TMEM131: variants seen among roughly 807,000 people sequenced by gnomAD.
The protein encoded by TMEM131 is 2610524E03Rik.
In TMEM131, 66 loss-of-function variants were observed where a neutral mutation model predicts 211.6. That is an observed-to-expected ratio of 0.31 (90% CI 0.26 to 0.38). The LOEUF (loss-of-function observed/expected upper bound fraction) is 0.38. TMEM131 is among the 10% of genes least tolerant of loss of function. TMEM131 has a pLI of 1.00. For synonymous variants in TMEM131, 844 were observed against 841.3 expected (o/e 1.00, Z -0.06); for missense variants, 2,036 against 2,299.3 (o/e 0.89, Z 2.34).
rs561084879 is a variant in TMEM131 at position 97,911,050 on chromosome 2, G to A, written c.250-2352C>T. ...AATTTCCACCAGCCCAAACTTCCAC[G>A]TATCCAGGTGAACAGACACATGAGT... On this transcript the variant is annotated intron_variant, in intron 2 of 40. Transcript: ENST00000186436. Among the ~76,000 whole-genome samples, 11 of 152,212 alleles carry A rather than the reference G, an allele frequency of 7.2e-5. No homozygotes were observed. The South Asian group carries it at 1.7e-3, about 23-fold the overall frequency.
chr2:97,770,653 T>A (rs1679424980), intron 33 of TMEM131, among the ~76,000 whole-genome samples: 1 of 152,208 alleles, frequency 6.6e-6, no homozygotes, highest in Non-Finnish European at 1.5e-5. Flanking sequence ...GAATACAATG[T>A]AAGTCAGTGG....
rs1477542603 is a variant in TMEM131, at chr2:97,811,201, A to G, written c.1895T>C (p.Phe632Ser). The change falls in exon 18 of 41, where the codon TTC becomes TCC. Residue 632 changes from phenylalanine (F) to serine (S), a missense_variant. Transcript: ENST00000186436. ...TTTTTTTGCAGTAAGTTTGACTCTG[A>G]AGACTGCAAAATAGCCTGAAGCTAA... is the stretch of plus-strand genomic sequence containing the variant. Reference protein sequence around the residue: ...VTLASGYFAVFRVKLTAKKLE... With the variant: ...VTLASGYFAVSRVKLTAKKLE... 6.2e-7 allele frequency: 1 copy of G among 1,613,682 alleles called. No individual in the cohort carries two copies. Among genetic ancestry groups the G allele is most frequent in the Admixed American group, 1.7e-5 (1 of 60,022 alleles).
intron 4 of TMEM131, among the ~76,000 whole-genome samples, chr2:97,862,789 T>C (rs1380161403): frequency 1.3e-5 from 2 of 151,334 alleles, no homozygotes; most frequent in Admixed American, 6.6e-5. Context: ...AAAGAGGAGG[T>C]AGAGAAGGAA....
In TMEM131 at chr2:97,795,398, CCTTCTTT is replaced by C. The variant is rs1338672535; in HGVS notation, c.3201-290_3201-284del. On this transcript the variant is annotated intron_variant, in intron 28 of 40. Transcript: ENST00000186436. The stretch of plus-strand genomic sequence containing the variant: ...GGTCCTGAGCTTCATGTCCTTCTCT[CCTTCTTT>C]CTTCTTTATCTAAATCCATGCTCTT... Among the ~76,000 whole-genome samples, 187 of 152,276 alleles carry C rather than the reference CCTTCTTT, an allele frequency of 1.2e-3. 3 individuals carry two copies. Among genetic ancestry groups the C allele is most frequent in the Non-Finnish European group, 2.2e-4 (15 of 68,012 alleles).
chr2:97,814,070 C>T lies in TMEM131; in HGVS notation c.1518G>A (p.Met506Ile), dbSNP rs2104974167. ...ESGYIFTLLFMPSTSSMHIDN... is the reference protein window; with the variant it reads ...ESGYIFTLLFIPSTSSMHIDN... ...CAATGTGCATGGATGATGTGGAAGG[C>T]ATAAAAAGCAGGGTAAAAATGTATC... Residue 506 changes from methionine to isoleucine, a missense_variant, in exon 15 of 41, where the codon ATG becomes ATA. Physicochemically the swap from Met to Ile is conservative, Grantham distance 10. Around this residue, in one of 3 missense-constraint regions of TMEM131, gnomAD observed 1,623 missense variants for 1,805.9 expected, o/e 0.90. Transcript: ENST00000186436. The T allele has an allele frequency of 1.2e-6, 2 of 1,602,834 alleles. No homozygotes were observed. The highest frequency in any genetic ancestry group is 1.1e-5 in the South Asian group (1 of 89,434).
intron 4 of TMEM131, among the ~76,000 whole-genome samples, chr2:97,866,035 A>G (rs1243339994): frequency 7.3e-6 from 1 of 136,310 alleles, no homozygotes; most frequent in African/African-American, 2.8e-5. Context: ...GGTGCCCACT[A>G]ACACGCCTGG....
chr2:97,972,564 TG>T (rs1173327497), intron 1 of TMEM131, among the ~76,000 whole-genome samples: 8 of 151,982 alleles, frequency 5.3e-5, no homozygotes, highest in African/African-American at 1.9e-4. Flanking sequence ...CATCAATCTG[TG>T]GTGGGCAAAA....
At chr2:97,986,443 T>C (rs959640443) in intron 1 of TMEM131, among the ~76,000 whole-genome samples, 6 of 152,212 alleles carry the variant, frequency 3.9e-5, no homozygotes, top group South Asian at 2.1e-4. Flanking sequence ...CATTTATTAA[T>C]CTGCATTTTA....
chr2:97,824,259 C>T (rs558671431), intron 11 of TMEM131, among the ~76,000 whole-genome samples: 42 of 152,348 alleles, frequency 2.8e-4, no homozygotes, highest in African/African-American at 9.6e-4. Context: ...ACCAGATAAT[C>T]CAACAGCAGG....
At chr2:97,853,845 G>T (rs936923500) in intron 5 of TMEM131, among the ~76,000 whole-genome samples, 1 of 152,110 alleles carries the variant, frequency 6.6e-6, no homozygotes, top group East Asian at 1.9e-4. Flanking sequence ...AACGGAAGAG[G>T]AGTTGTTTCT....
chr2:97,875,649 A>C (rs1433730302), intron 4 of TMEM131, among the ~76,000 whole-genome samples: 1 of 152,204 alleles, frequency 6.6e-6, no homozygotes, highest in Non-Finnish European at 1.5e-5. Flanking sequence ...AGGCAGAAAA[A>C]AGATGTTCTT....
chr2:97,882,011 T>C (rs1294411006), intron 4 of TMEM131, among the ~76,000 whole-genome samples: 1 of 152,248 alleles, frequency 6.6e-6, no homozygotes, highest in African/African-American at 2.4e-5. Context: ...GATAATTTAC[T>C]TTCTGCAGTG....
rs1369703032 is a variant in TMEM131, at chr2:97,766,578, G to A, written c.4473C>T (p.Pro1491=). The change falls in exon 34 of 41, where the codon CCC becomes CCT. Residue 1491 remains proline (P), a synonymous_variant. Transcript: ENST00000186436. Reference sequence around the variant, plus strand: ...TTCTACGTTGCTTACTTTCCAAAGGGGGAGTATATGGTAGTTCTAATGAAC... The same window carrying A: ...TTCTACGTTGCTTACTTTCCAAAGGAGGAGTATATGGTAGTTCTAATGAAC... The part of the protein sequence containing the change: ...KPSSLELPYT[P]PLESKQRRNL... 1 of 1,613,896 alleles carries A rather than the reference G, an allele frequency of 6.2e-7. No homozygotes were observed. Among genetic ancestry groups the A allele is most frequent in the South Asian group, 1.1e-5 (1 of 91,058 alleles).
chr2:97,843,168 T>C (rs1416560297), intron 6 of TMEM131, among the ~76,000 whole-genome samples: 1 of 152,088 alleles, frequency 6.6e-6, no homozygotes, highest in Non-Finnish European at 1.5e-5. Flanking sequence ...ATGGTCTTTA[T>C]ACTTACAAAG....
chr2:97,866,918 A>G (rs760753496), intron 4 of TMEM131, among the ~76,000 whole-genome samples: 1 of 152,234 alleles, frequency 6.6e-6, no homozygotes, highest in Admixed American at 6.5e-5. Context: ...AAATATCTGC[A>G]TTACACTTAT....
At position 97,795,073 on chromosome 2, in the gene TMEM131, C is replaced by T. The variant is rs1206871675; in HGVS notation, c.3243G>A (p.Leu1081=). The T allele has an allele frequency of 6.2e-7, 1 of 1,613,870 alleles. No individual in the cohort carries two copies. Among genetic ancestry groups the T allele is most frequent in the Non-Finnish European group, 8.5e-7 (1 of 1,179,816 alleles). ...CAGAGCCACTGGTTGTTATAAACTT[C>T]AGTTCCCGAATAACTCTAGAAGCTG... ...DFTASRVIRE[L]KFITTSGSEF... is the part of the protein sequence containing the mutation. The change falls in exon 29 of 41, where the codon CTG becomes CTA. Residue 1081 remains leucine, a synonymous_variant. Transcript: ENST00000186436.
In TMEM131 at chr2:97,812,503, A is replaced by G. The variant is rs1559374929; in HGVS notation, c.1781T>C (p.Val594Ala). Residue 594 changes from valine to alanine, a missense_variant, in exon 17 of 41, where the codon GTA becomes GCA. Physicochemically the swap from Val to Ala is moderately conservative, Grantham distance 64. This residue lies in a region of TMEM131 where 1,623 missense variants were observed against 1,805.9 expected (regional missense o/e 0.90). Transcript: ENST00000186436. ...IIGDGLSIEL[V>A]AVERGNRTTI... ...AGTTCTATTGCCTCTTTCCACAGCT[A>G]CAAGTTCTATTGATAAACCGTCTCC... 3 of 1,612,858 alleles carry G rather than the reference A, an allele frequency of 1.9e-6. No individual in the cohort carries two copies. The highest frequency in any genetic ancestry group is 2.2e-5 in the East Asian group (1 of 44,802).
intron 27 of TMEM131, 62 bp from the exon 28 acceptor site, chr2:97,796,466 G>A (rs1680768991): frequency 9.8e-7 from 1 of 1,016,230 alleles, no homozygotes; most frequent in African/African-American, 1.7e-5. Context: ...CAGTCCAAAT[G>A]ATAAATACAT....
intron 1 of TMEM131, among the ~76,000 whole-genome samples, chr2:97,930,976 CAG>C (rs1193112148): frequency 6.6e-6 from 1 of 151,800 alleles, no homozygotes; most frequent in Non-Finnish European, 1.5e-5. Context: ...GAAATACACA[CAG>C]AGAGATATAC....
Sources: allele counts gnomAD v4.1 joint callset (sites outside exome capture counted in the v4.1 genomes callset), GRCh38; gene constraint gnomAD v4.1.1; regional missense constraint gnomAD v4.1.1; transcripts MANE v1.5; gene names NCBI Gene and HGNC (gene_info 2026-07-23, HGNC 2026-07-21).